The following DNAH3 variants were observed in gnomAD, a reference collection of about 807,000 sequenced individuals.
DNAH3 encodes the protein dynein axonemal heavy chain 3, also known as axonemal beta dynein heavy chain 3.
A neutral mutation model predicts 432.5 loss-of-function variants in DNAH3; 332 were observed. The observed-to-expected ratio is 0.77, with a 90% confidence interval of 0.70 to 0.84. The LOEUF (loss-of-function observed/expected upper bound fraction) is 0.84. Among genes scored for constraint, DNAH3 ranks in the 40% least tolerant of loss-of-function variants. The pLI is 0.00. For synonymous variants in DNAH3, 1,956 were observed against 1,900.2 expected (o/e 1.03, Z -0.76); for missense variants, 4,861 against 5,114.0 (o/e 0.95, Z 1.51).
chr16:21,082,781 T>G (rs2091235077), intron 19 of DNAH3, among the ~76,000 whole-genome samples: 1 of 150,142 alleles, frequency 6.7e-6, no homozygotes, highest in African/African-American at 2.5e-5. Flanking sequence ...TCAGCCGAGA[T>G]CGCACCACTG....
intron 41 of DNAH3, among the ~76,000 whole-genome samples, chr16:21,018,458 A>G (rs1196950662): frequency 6.6e-6 from 1 of 152,222 alleles, no homozygotes; most frequent in African/African-American, 2.4e-5. Context: ...TGGGTGGTAG[A>G]AAAACAAAAC....
At chr16:21,052,615 T>C (rs1186918272) in intron 28 of DNAH3, among the ~76,000 whole-genome samples, 1 of 152,180 alleles carries the variant, frequency 6.6e-6, no homozygotes, top group Non-Finnish European at 1.5e-5. Flanking sequence ...AATGAATATA[T>C]AGGTACATAC....
intron 20 of DNAH3, among the ~76,000 whole-genome samples, chr16:21,079,056 G>A (rs950732029): frequency 3.3e-5 from 5 of 152,232 alleles, no homozygotes; most frequent in Admixed American, 6.5e-5. Context: ...GAACATGTGT[G>A]CATGGAAAGT....
At chr16:20,938,589 C>A (rs557420463) in intron 59 of DNAH3, among the ~76,000 whole-genome samples, 1 of 146,552 alleles carries the variant, frequency 6.8e-6, no homozygotes, top group African/African-American at 2.5e-5. Context: ...AACACTTGCC[C>A]AGAAGACACA....
At chr16:20,945,756 C>G (rs1387724104) in intron 57 of DNAH3, among the ~76,000 whole-genome samples, 3 of 152,184 alleles carry the variant, frequency 2.0e-5, no homozygotes, top group Non-Finnish European at 4.4e-5. Context: ...TCCCAAGGTA[C>G]TGGGATTACA....
intron 39 of DNAH3, among the ~76,000 whole-genome samples, chr16:21,023,110 A>T (rs1694207954): frequency 6.6e-6 from 1 of 152,214 alleles, no homozygotes; most frequent in African/African-American, 2.4e-5. Context: ...TAGGAAGGCC[A>T]TCACTAAATA....
chr16:21,136,493 G>A, exon 6 of DNAH3: 2 of 1,614,076 alleles, frequency 1.2e-6, no homozygotes, highest in South Asian at 2.2e-5. Flanking sequence ...GAATTCCATT[G>A]GTCAGATAGT....
At chr16:21,082,431 T>C (rs1414140755) in intron 19 of DNAH3, among the ~76,000 whole-genome samples, 1 of 152,138 alleles carries the variant, frequency 6.6e-6, no homozygotes, top group Admixed American at 6.5e-5. Flanking sequence ...TGAACTCCTA[T>C]ACTCAAGCAA....
rs974156069 is a variant in DNAH3, at chr16:21,090,299, T to C, written c.2666-3239A>G. Among the ~76,000 whole-genome samples the C allele has an allele frequency of 6.9e-5, 10 of 145,530 alleles. 1 individual carries two copies. In the South Asian group the frequency reaches 8.7e-4, roughly 13 times the overall value. On this transcript the variant is annotated intron_variant, in intron 18 of 61. Transcript: ENST00000261383. Reference sequence around the variant, plus strand: ...AACCTGTATAATCTCATCTAAAAAATAGAAGAAAACATTTCCTAACTTATT... The same window carrying C: ...AACCTGTATAATCTCATCTAAAAAACAGAAGAAAACATTTCCTAACTTATT...
chr16:20,943,889 CAGG>C, intron 58 of DNAH3, among the ~76,000 whole-genome samples: 1 of 151,764 alleles, frequency 6.6e-6, no homozygotes, highest in East Asian at 1.9e-4. Context: ...GAGGCTGAGG[CAGG>C]AGAATTGCTT....
intron 40 of DNAH3, 37 bp downstream of exon 40, chr16:21,021,934 C>A: frequency 6.2e-7 from 1 of 1,606,050 alleles, no homozygotes; most frequent in Non-Finnish European, 8.5e-7. Context: ...GGTAGACCCA[C>A]CCCCCATGTG....
intron 33 of DNAH3, among the ~76,000 whole-genome samples, chr16:21,039,362 G>C (rs1247796305): frequency 6.6e-6 from 1 of 151,854 alleles, no homozygotes; most frequent in Non-Finnish European, 1.5e-5. Context: ...GGGATTACAG[G>C]TGCACGCCAC....
At chr16:21,019,970 G>T in intron 40 of DNAH3, 101 bp from the exon 41 acceptor site, 1 of 1,375,240 alleles carries the variant, frequency 7.3e-7, no homozygotes, top group South Asian at 1.4e-5. Flanking sequence ...TGGGCCAGAA[G>T]GGCGACTGAT....
At chr16:21,016,839 C>G (rs1237544451) in intron 41 of DNAH3, among the ~76,000 whole-genome samples, 1 of 152,178 alleles carries the variant, frequency 6.6e-6, no homozygotes, top group East Asian at 1.9e-4. Flanking sequence ...AAAGGAAATT[C>G]TGACACGTGC....
intron 17 of DNAH3, 75 bp downstream of exon 17, chr16:21,098,541 T>A: frequency 6.8e-7 from 1 of 1,460,530 alleles, no homozygotes; most frequent in Non-Finnish European, 9.1e-7. Flanking sequence ...TATTAGGAAA[T>A]AGGAAATTCA....
intron 1 of DNAH3, among the ~76,000 whole-genome samples, chr16:21,147,125 AT>A (rs2152833475): frequency 6.6e-6 from 1 of 151,600 alleles, no homozygotes; most frequent in East Asian, 1.9e-4. Context: ...AAATTTGAAT[AT>A]TTTTCCCCCG....
chr16:20,951,160 T>C (rs1425463557), intron 56 of DNAH3, among the ~76,000 whole-genome samples: 1 of 152,112 alleles, frequency 6.6e-6, no homozygotes, highest in Non-Finnish European at 1.5e-5. Flanking sequence ...TATGTACTTG[T>C]ACATATCGTG....
chr16:21,153,991 A>G (rs913506003), intron 1 of DNAH3, among the ~76,000 whole-genome samples: 1 of 152,370 alleles, frequency 6.6e-6, no homozygotes, highest in African/African-American at 2.4e-5. Context: ...AATAATTGAG[A>G]CAGTGGGAGA....
intron 7 of DNAH3, among the ~76,000 whole-genome samples, chr16:21,128,358 TG>T: frequency 6.6e-6 from 1 of 151,748 alleles, no homozygotes; most frequent in South Asian, 2.1e-4. Context: ...AAGACCAGCC[TG>T]GCAATATAGT....
Sources: gnomAD v4.1 joint callset for allele counts (sites outside exome capture counted in the v4.1 genomes callset) on GRCh38, gnomAD v4.1.1 for gene constraint, MANE v1.5 for transcripts, NCBI Gene and HGNC (gene_info 2026-07-23, HGNC 2026-07-21) for gene names.